Variants in RFPL1 observed in about 807,000 individuals in gnomAD.
The protein encoded by RFPL1 is ret finger protein-like 1.
RFPL1 carries 6 observed loss-of-function variants against 9.6 expected under a neutral mutation model. The observed-to-expected ratio is 0.62, with a 90% CI of 0.34 to 1.23. RFPL1 has a LOEUF of 1.23. RFPL1 is among the 50% of genes most tolerant of loss of function. The pLI is 0.03. For synonymous variants in RFPL1, 145 were observed against 149.4 expected, an observed-to-expected ratio of 0.97 and a Z score of 0.22; for missense variants, 352 against 398.4, an observed-to-expected ratio of 0.88 and a Z score of 0.99.
the RFPL1 span, among the ~76,000 whole-genome samples, chr22:29,422,546 C>T: frequency 2.0e-5 from 3 of 152,146 alleles, no homozygotes; most frequent in African/African-American, 4.8e-5. Flanking sequence ...CCATTGTACT[C>T]GTGCCTGGGC....
chr22:29,420,554 A>C, the RFPL1 span, among the ~76,000 whole-genome samples: 6 of 147,216 alleles, frequency 4.1e-5, no homozygotes, highest in African/African-American at 1.5e-4. Flanking sequence ...TGGTCTTGAA[A>C]TCCTGACTTC....
the RFPL1 span, among the ~76,000 whole-genome samples, chr22:29,424,659 A>G: frequency 4.6e-5 from 2 of 43,802 alleles, no homozygotes; most frequent in African/African-American, 1.6e-4. Flanking sequence ...GACAAAGTAA[A>G]AAAAAAAAAA....
At chr22:29,394,851 G>C in the RFPL1 span, among the ~76,000 whole-genome samples, 1 of 152,198 alleles carries the variant, frequency 6.6e-6, no homozygotes, top group East Asian at 1.9e-4. Flanking sequence ...GCAGCAATGG[G>C]CCTAGCGGAG....
chr22:29,438,972 T>G, exon 1 of RFPL1: 4 of 1,613,950 alleles, frequency 2.5e-6, no homozygotes, highest in Non-Finnish European at 3.4e-6. Context: ...CGCTGTCTGC[T>G]TCAAGTGCAT....
exon 2 of RFPL1, chr22:29,442,133 CA>C (rs776229063): frequency 6.7e-7 from 1 of 1,497,932 alleles, no homozygotes; most frequent in Non-Finnish European, 8.9e-7. Flanking sequence ...GCCCCCACTG[CA>C]AAAAAACAAA....
At chr22:29,411,650 A>C in the RFPL1 span, among the ~76,000 whole-genome samples, 2 of 152,132 alleles carry the variant, frequency 1.3e-5, no homozygotes, top group Non-Finnish European at 2.9e-5. Context: ...TTTAAGAGTT[A>C]ATTTGCATGA....
At chr22:29,440,937 T>C (rs5763240) in intron 1 of RFPL1, 49,536 of 152,360 alleles carry the variant, frequency 0.33, 8,604 homozygotes, top group Non-Finnish European at 0.36. Flanking sequence ...TGCTTAAGGT[T>C]TCACCTCCCA....
chr22:29,431,892 C>A, the RFPL1 span, among the ~76,000 whole-genome samples: 2 of 152,004 alleles, frequency 1.3e-5, no homozygotes, highest in Non-Finnish European at 2.9e-5. Flanking sequence ...TGGGGTTTCA[C>A]CATGTTGGTC....
At chr22:29,428,721 C>T in the RFPL1 span, among the ~76,000 whole-genome samples, 139,858 of 152,258 alleles carry the variant, frequency 0.92, 64,515 homozygotes, top group African/African-American at 0.97. Context: ...AGATATAAAT[C>T]AAGTCACATG....
At chr22:29,392,285 G>C in the RFPL1 span, among the ~76,000 whole-genome samples, 1 of 147,994 alleles carries the variant, frequency 6.8e-6, no homozygotes, top group African/African-American at 2.5e-5. Context: ...CCAACCTGTT[G>C]ACCAGGCTAG....
At chr22:29,410,587 C>CTATATATAGA in the RFPL1 span, among the ~76,000 whole-genome samples, 1 of 78,750 alleles carries the variant, frequency 1.3e-5, no homozygotes, top group Non-Finnish European at 2.3e-5. Context: ...ATATATCTAT[C>CTATATATAGA]TATATATAGA....
the RFPL1 span, among the ~76,000 whole-genome samples, chr22:29,416,676 C>T: frequency 6.6e-6 from 1 of 152,284 alleles, no homozygotes; most frequent in South Asian, 2.1e-4. Context: ...AGCTCTGGCA[C>T]CCAGTAAGAA....
the RFPL1 span, among the ~76,000 whole-genome samples, chr22:29,413,353 C>T: frequency 2.0e-5 from 3 of 151,788 alleles, no homozygotes; most frequent in South Asian, 2.1e-4. Context: ...CAGAAATTCT[C>T]GGGGTGGTAC....
chr22:29,431,650 CA>C, the RFPL1 span, among the ~76,000 whole-genome samples: 5 of 151,074 alleles, frequency 3.3e-5, no homozygotes, highest in African/African-American at 7.3e-5. Context: ...AATTTTAATA[CA>C]AAAAAGTTAT....
the RFPL1 span, among the ~76,000 whole-genome samples, chr22:29,401,246 A>C: frequency 3.1e-4 from 47 of 152,346 alleles, no homozygotes; most frequent in Non-Finnish European, 2.2e-4. Context: ...AGTTTCCCTA[A>C]GAAAGTAATC....
the RFPL1 span, among the ~76,000 whole-genome samples, chr22:29,422,530 T>C: frequency 2.0e-5 from 3 of 152,212 alleles, no homozygotes. Context: ...TGAGCCAATA[T>C]TGGTGCCATT....
At chr22:29,424,708 G>A in the RFPL1 span, among the ~76,000 whole-genome samples, 1 of 149,422 alleles carries the variant, frequency 6.7e-6, no homozygotes, top group African/African-American at 2.5e-5. Flanking sequence ...GTGCACACCT[G>A]TAGTCCCATC....
chr22:29,423,727 A>G, the RFPL1 span, among the ~76,000 whole-genome samples: 117 of 152,300 alleles, frequency 7.7e-4, no homozygotes, highest in African/African-American at 2.2e-3. Flanking sequence ...AGAAAATACC[A>G]AGCTTAAAAG....
At chr22:29,431,857 A>AT in the RFPL1 span, among the ~76,000 whole-genome samples, 12 of 151,522 alleles carry the variant, frequency 7.9e-5, no homozygotes, top group East Asian at 3.9e-4. Flanking sequence ...AGCCCAGCTA[A>AT]TTTTTTTTGT....
Sources: allele counts gnomAD v4.1 joint callset (sites outside exome capture counted in the v4.1 genomes callset), GRCh38; gene constraint gnomAD v4.1.1; transcripts MANE v1.5; gene names NCBI Gene and HGNC (gene_info 2026-07-23, HGNC 2026-07-21).